The following TSHZ2 variants were observed in gnomAD, a reference collection of about 807,000 sequenced individuals.
TSHZ2 encodes the protein teashirt homolog 2.
Under a neutral mutation model 74.4 loss-of-function variants are expected in TSHZ2, and 21 were observed. That is an observed-to-expected ratio of 0.28 (90% confidence interval 0.20 to 0.41). The LOEUF is 0.41. TSHZ2 is among the 10% of genes least tolerant of loss of function. The probability of loss-of-function intolerance (pLI) is 1.00; values close to 1 mark genes in which losing one functional copy is unlikely to be tolerated. For synonymous variants in TSHZ2, 540 were observed against 515.3 expected, an observed-to-expected ratio of 1.05 and a Z score of -0.65; for missense variants, 1,244 against 1,293.5, an observed-to-expected ratio of 0.96 and a Z score of 0.59.
At chr20:53,346,784 T>C (rs1980457668) in intron 2 of TSHZ2, among the ~76,000 whole-genome samples, 2 of 152,234 alleles carry the variant, frequency 1.3e-5, no homozygotes, top group African/African-American at 4.8e-5. Flanking sequence ...AGATATTCTG[T>C]AGACATCTAC....
intron 1 of TSHZ2, among the ~76,000 whole-genome samples, chr20:53,162,498 A>C (rs1037139403): frequency 6.6e-6 from 1 of 152,082 alleles, no homozygotes; most frequent in Non-Finnish European, 1.5e-5. Flanking sequence ...AGATGAGATC[A>C]GCCACTAGGG....
intron 1 of TSHZ2, among the ~76,000 whole-genome samples, chr20:53,115,572 C>T (rs191297940): frequency 1.2e-4 from 18 of 152,234 alleles, no homozygotes; most frequent in Admixed American, 1.2e-3. Flanking sequence ...TCAAGTATGT[C>T]TTTATTAGCA....
chr20:53,131,826 C>G (rs1367475865), intron 1 of TSHZ2, among the ~76,000 whole-genome samples: 1 of 83,158 alleles, frequency 1.2e-5, no homozygotes. Flanking sequence ...ACAACCCCCC[C>G]CCCCCCCCAA....
intron 1 of TSHZ2, among the ~76,000 whole-genome samples, chr20:53,069,014 C>T (rs1253066744): frequency 1.3e-5 from 2 of 151,878 alleles, no homozygotes; most frequent in South Asian, 2.1e-4. Context: ...ACAACTGTGT[C>T]GAGTGTTAGG....
rs56226028 is a variant in TSHZ2 at position 53,044,035 on chromosome 20, C to T, written c.40+70702C>T. ...GTATGTACTCCATCATTTTGTCCTC[C>T]GAACAGAAATACTTCCTGCTCACCG... is the stretch of plus-strand genomic sequence containing the variant. On this transcript the variant is annotated intron_variant, in intron 1 of 2. Transcript: ENST00000371497. 4.0e-3 allele frequency among the ~76,000 whole-genome samples: 611 copies of T among 152,254 alleles called. 5 individuals carry two copies. The highest frequency in any genetic ancestry group is 0.014 in the African/African-American group (584 of 41,550).
chr20:53,276,759 A>G (rs1157058408), intron 2 of TSHZ2, among the ~76,000 whole-genome samples: 1 of 152,182 alleles, frequency 6.6e-6, no homozygotes, highest in Non-Finnish European at 1.5e-5. Flanking sequence ...GTGAATGTCT[A>G]ACATGCACCC....
intron 2 of TSHZ2, among the ~76,000 whole-genome samples, chr20:53,353,833 A>T (rs1980744713): frequency 6.6e-6 from 1 of 152,242 alleles, no homozygotes; most frequent in South Asian, 2.1e-4. Flanking sequence ...AGACGAATGG[A>T]CATTAAGCAT....
chr20:53,239,911 A>T (rs751142945), intron 1 of TSHZ2, among the ~76,000 whole-genome samples: 5 of 152,208 alleles, frequency 3.3e-5, no homozygotes, highest in Non-Finnish European at 5.9e-5. Flanking sequence ...ATACAAAACT[A>T]TAAAATGTGC....
intron 1 of TSHZ2, among the ~76,000 whole-genome samples, chr20:53,008,463 G>C (rs1211531693): frequency 6.6e-6 from 1 of 152,166 alleles, no homozygotes; most frequent in Non-Finnish European, 1.5e-5. Flanking sequence ...TAAGAGCCTG[G>C]GTTAGGGTTC....
At chr20:53,146,297 G>T (rs1410274905) in intron 1 of TSHZ2, among the ~76,000 whole-genome samples, 2 of 152,136 alleles carry the variant, frequency 1.3e-5, no homozygotes, top group Admixed American at 1.3e-4. Context: ...ACCACCAGTG[G>T]TGTGATGGAT....
intron 1 of TSHZ2, among the ~76,000 whole-genome samples, chr20:52,999,363 G>A (rs1982325291): frequency 6.6e-6 from 1 of 152,174 alleles, no homozygotes; most frequent in African/African-American, 2.4e-5. Flanking sequence ...GTTAAAAAGG[G>A]GCTAAGAAGA....
intron 1 of TSHZ2, among the ~76,000 whole-genome samples, chr20:53,203,662 G>C (rs1244186388): frequency 6.6e-6 from 1 of 152,176 alleles, no homozygotes; most frequent in African/African-American, 2.4e-5. Context: ...AAGGGTGCCA[G>C]GTGGAGTGTG....
chr20:53,133,773 G>C (rs1987168941), intron 1 of TSHZ2, among the ~76,000 whole-genome samples: 1 of 152,062 alleles, frequency 6.6e-6, no homozygotes, highest in African/African-American at 2.4e-5. Flanking sequence ...TCAAAAGCCA[G>C]TATCACTCTG....
chr20:53,133,762 A>G (rs1987168685), intron 1 of TSHZ2, among the ~76,000 whole-genome samples: 1 of 152,136 alleles, frequency 6.6e-6, no homozygotes, highest in African/African-American at 2.4e-5. Flanking sequence ...TCTCCGTGGT[A>G]TCAAAAGCCA....
At chr20:53,352,751 G>A (rs932712408) in intron 2 of TSHZ2, among the ~76,000 whole-genome samples, 5 of 147,608 alleles carry the variant, frequency 3.4e-5, no homozygotes, top group Non-Finnish European at 5.9e-5. Flanking sequence ...CCCAGCCTGG[G>A]CGACAAAGTG....
intron 2 of TSHZ2, among the ~76,000 whole-genome samples, chr20:53,473,283 G>C (rs1036645144): frequency 7.0e-6 from 1 of 143,322 alleles, no homozygotes; most frequent in Non-Finnish European, 1.5e-5. Flanking sequence ...GAGAGCAGTG[G>C]TTCTCCCAGC....
At chr20:53,091,199 G>A (rs192504748) in intron 1 of TSHZ2, among the ~76,000 whole-genome samples, 1 of 152,232 alleles carries the variant, frequency 6.6e-6, no homozygotes, top group Non-Finnish European at 1.5e-5. Flanking sequence ...AGTTGTGATA[G>A]AAAATACACT....
chr20:53,343,884 G>A (rs1206637785), intron 2 of TSHZ2, among the ~76,000 whole-genome samples: 3 of 152,162 alleles, frequency 2.0e-5, no homozygotes, highest in Admixed American at 6.5e-5. Flanking sequence ...GGCATGAATA[G>A]CCTATCCCCG....
chr20:52,979,823 A>G (rs1981493676), intron 1 of TSHZ2, among the ~76,000 whole-genome samples: 1 of 152,228 alleles, frequency 6.6e-6, no homozygotes, highest in Non-Finnish European at 1.5e-5. Context: ...TTAATATATC[A>G]GTATTATTTA....
Sources: gnomAD v4.1 joint callset for allele counts (sites outside exome capture counted in the v4.1 genomes callset) on GRCh38, gnomAD v4.1.1 for gene constraint, MANE v1.5 for transcripts, NCBI Gene and HGNC (gene_info 2026-07-23, HGNC 2026-07-21) for gene names.